The following DCDC2 variants were observed in gnomAD, a reference collection of about 807,000 sequenced individuals.
The protein encoded by DCDC2 is doublecortin domain-containing protein 2.
Under a neutral mutation model 50.2 loss-of-function variants are expected in DCDC2, and 40 were observed. The observed-to-expected ratio is 0.80, with a 90% CI of 0.62 to 1.04. The LOEUF is 1.04. DCDC2 is among the 50% of genes least tolerant of loss of function. DCDC2 has a pLI of 0.00. For missense variants in DCDC2, 570 were observed against 581.9 expected, an observed-to-expected ratio of 0.98 and a Z score of 0.21; for synonymous variants, 234 against 210.6, an observed-to-expected ratio of 1.11 and a Z score of -0.96.
chr6:24,341,947 T>C (rs201454297), intron 2 of DCDC2, among the ~76,000 whole-genome samples: 1 of 151,624 alleles, frequency 6.6e-6, no homozygotes, highest in Non-Finnish European at 1.5e-5. Context: ...TGTGCACGCG[T>C]ACACACACAC....
chr6:24,274,272 A>G (rs1763302193), intron 7 of DCDC2, among the ~76,000 whole-genome samples: 1 of 152,180 alleles, frequency 6.6e-6, no homozygotes, highest in South Asian at 2.1e-4. Flanking sequence ...TAACAATACC[A>G]ATTGATATGA....
chr6:24,222,861 C>T (rs2113776850), intron 7 of DCDC2, among the ~76,000 whole-genome samples: 1 of 152,182 alleles, frequency 6.6e-6, no homozygotes, highest in African/African-American at 2.4e-5. Context: ...ATTATTAAAG[C>T]CATTATTATT....
intron 7 of DCDC2, among the ~76,000 whole-genome samples, chr6:24,207,921 G>A (rs180767730): frequency 6.6e-6 from 1 of 152,086 alleles, no homozygotes; most frequent in East Asian, 1.9e-4. Flanking sequence ...AAGAATCCTT[G>A]GCCTCTTCTT....
chr6:24,247,708 T>C (rs1289722314), intron 7 of DCDC2, among the ~76,000 whole-genome samples: 1 of 152,158 alleles, frequency 6.6e-6, no homozygotes, highest in Non-Finnish European at 1.5e-5. Context: ...GTTTGGAATA[T>C]GGGTATAGCA....
intron 7 of DCDC2, among the ~76,000 whole-genome samples, chr6:24,225,220 T>A (rs1284880864): frequency 2.0e-5 from 3 of 152,194 alleles, no homozygotes; most frequent in South Asian, 4.1e-4. Context: ...GTGCTTTTTT[T>A]AAATTTCAAG....
the DCDC2 span, among the ~76,000 whole-genome samples, chr6:24,363,516 A>T: frequency 1.3e-5 from 2 of 152,146 alleles, no homozygotes; most frequent in East Asian, 3.9e-4. Flanking sequence ...ATCAAAAAGA[A>T]AAATAATAAT....
At chr6:24,345,417 G>A (rs1390437335) in intron 2 of DCDC2, among the ~76,000 whole-genome samples, 1 of 152,056 alleles carries the variant, frequency 6.6e-6, no homozygotes, top group Non-Finnish European at 1.5e-5. Flanking sequence ...TACAACCCGG[G>A]TTCCCACAAA....
intron 8 of DCDC2, among the ~76,000 whole-genome samples, chr6:24,202,743 C>T (rs533812083): frequency 3.3e-5 from 5 of 152,302 alleles, no homozygotes; most frequent in African/African-American, 7.2e-5. Flanking sequence ...ACTCCAAGAT[C>T]TCAGCCCAAA....
At chr6:24,346,169 A>C (rs1561782834) in intron 2 of DCDC2, among the ~76,000 whole-genome samples, 1 of 151,858 alleles carries the variant, frequency 6.6e-6, no homozygotes, top group East Asian at 1.9e-4. Flanking sequence ...AAAAAAAAAA[A>C]ATGTATTTAC....
intron 8 of DCDC2, among the ~76,000 whole-genome samples, chr6:24,201,847 G>A (rs1761595284): frequency 6.6e-6 from 1 of 152,158 alleles, no homozygotes; most frequent in South Asian, 2.1e-4. Context: ...TACCATCAGA[G>A]AATACTATGA....
intron 7 of DCDC2, among the ~76,000 whole-genome samples, chr6:24,275,688 A>C (rs1156610523): frequency 6.6e-6 from 1 of 152,170 alleles, no homozygotes. Context: ...CTACTGTCTA[A>C]AACAACTGCA....
intron 4 of DCDC2, among the ~76,000 whole-genome samples, chr6:24,294,965 T>C (rs1763830785): frequency 6.6e-6 from 1 of 152,090 alleles, no homozygotes; most frequent in African/African-American, 2.4e-5. Flanking sequence ...CAACTTGTTC[T>C]ATGAGGCCAG....
chr6:24,196,234 T>A (rs1003951925), intron 8 of DCDC2, among the ~76,000 whole-genome samples: 23 of 140,802 alleles, frequency 1.6e-4, no homozygotes, highest in Middle Eastern at 3.8e-3. Flanking sequence ...TTTTTTTTTT[T>A]ATGCAATACT....
intron 2 of DCDC2, among the ~76,000 whole-genome samples, chr6:24,327,842 A>G (rs549679307): frequency 6.6e-6 from 1 of 152,324 alleles, no homozygotes; most frequent in South Asian, 2.1e-4. Flanking sequence ...TTTAAATAAA[A>G]AAAATTTCTA....
intron 2 of DCDC2, among the ~76,000 whole-genome samples, chr6:24,346,152 TAAA>T (rs58725760): frequency 6.0e-5 from 8 of 133,088 alleles, no homozygotes; most frequent in Non-Finnish European, 3.2e-5. Context: ...AGACTCTGTC[TAAA>T]AAAAAAAAAA....
intron 7 of DCDC2, among the ~76,000 whole-genome samples, chr6:24,223,202 G>A (rs1033338244): frequency 1.3e-5 from 2 of 152,168 alleles, no homozygotes; most frequent in African/African-American, 4.8e-5. Context: ...ACAATTCTAA[G>A]AATATTCACA....
At chr6:24,196,976 G>A (rs555778236) in intron 8 of DCDC2, among the ~76,000 whole-genome samples, 1 of 152,216 alleles carries the variant, frequency 6.6e-6, no homozygotes, top group East Asian at 1.9e-4. Context: ...GCAGACCATA[G>A]AGAATGGCTG....
chr6:24,305,405 T>TACTC (rs1467255931), intron 2 of DCDC2, among the ~76,000 whole-genome samples: 1 of 152,230 alleles, frequency 6.6e-6, no homozygotes, highest in Non-Finnish European at 1.5e-5. Context: ...TCTGAAAAAC[T>TACTC]ACTCAAAGTA....
the DCDC2 span, among the ~76,000 whole-genome samples, chr6:24,372,288 G>A: frequency 3.9e-5 from 6 of 152,046 alleles, no homozygotes; most frequent in African/African-American, 1.2e-4. Flanking sequence ...GGCATGGTGC[G>A]GGCGTCTGTA....
Sources: gnomAD v4.1 joint callset for allele counts (sites outside exome capture counted in the v4.1 genomes callset) on GRCh38, gnomAD v4.1.1 for gene constraint, MANE v1.5 for transcripts, NCBI Gene and HGNC (gene_info 2026-07-23, HGNC 2026-07-21) for gene names.